Variants in KCND3 observed in about 807,000 individuals in gnomAD.
KCND3 encodes the protein A-type voltage-gated potassium channel KCND3.
A neutral mutation model predicts 51.1 loss-of-function variants in KCND3; 9 were observed. That is an observed-to-expected ratio of 0.18 (90% confidence interval 0.11 to 0.31). KCND3 has a LOEUF of 0.31. KCND3 is among the 10% of genes least tolerant of loss of function. The probability of loss-of-function intolerance (pLI) is 1.00; values close to 1 mark genes in which losing one functional copy is unlikely to be tolerated. For missense variants in KCND3, 526 were observed against 903.8 expected (o/e 0.58, Z 5.36); for synonymous variants, 349 against 368.0 (o/e 0.95, Z 0.59).
At chr1:111,944,145 G>C (rs1181485736) in intron 2 of KCND3, among the ~76,000 whole-genome samples, 1 of 152,208 alleles carries the variant, frequency 6.6e-6, no homozygotes, top group African/African-American at 2.4e-5. Context: ...CTCTAAGGGG[G>C]TGAGAAGGGG....
intron 2 of KCND3, among the ~76,000 whole-genome samples, chr1:111,872,354 T>A (rs1471515161): frequency 6.6e-6 from 1 of 152,248 alleles, no homozygotes; most frequent in Non-Finnish European, 1.5e-5. Flanking sequence ...ACATTATTAG[T>A]ATCTTTAAAG....
intron 2 of KCND3, among the ~76,000 whole-genome samples, chr1:111,975,952 AT>A (rs1557762034): frequency 6.6e-6 from 1 of 152,154 alleles, no homozygotes; most frequent in East Asian, 1.9e-4. Flanking sequence ...ACATCCTAAC[AT>A]GAAATAGAAA....
chr1:111,968,158 A>T (rs1374569036), intron 2 of KCND3, among the ~76,000 whole-genome samples: 1 of 152,238 alleles, frequency 6.6e-6, no homozygotes, highest in Non-Finnish European at 1.5e-5. Flanking sequence ...AACTCTGAGC[A>T]TGCCAGCTGG....
At chr1:111,943,563 C>T (rs1672633028) in intron 2 of KCND3, among the ~76,000 whole-genome samples, 1 of 152,184 alleles carries the variant, frequency 6.6e-6, no homozygotes, top group Non-Finnish European at 1.5e-5. Context: ...CTGATGTTTC[C>T]TCAGGGGCTG....
rs1664086917 is a variant in KCND3, at chr1:111,776,001, G to A, written c.*76C>T. The stretch of plus-strand genomic sequence containing the variant: ...ATAGTGGGGAAAGGGGGGAGGGAGT[G>A]GTCTCAGTGACCACCCACCAACATG... On this transcript the variant is annotated 3_prime_UTR_variant, in exon 8 of 8. Transcript: ENST00000302127. 6.9e-7 allele frequency: 1 copy of A among 1,448,306 alleles called. No homozygotes were observed. Among genetic ancestry groups the A allele is most frequent in the African/African-American group, 1.4e-5 (1 of 71,546 alleles). 89.7% of individuals were successfully genotyped at this position (1,448,306 alleles called of 1,614,324 possible). A position where few individuals can be genotyped will look rare whatever the true frequency, so the allele number is the denominator to read the frequency against.
At chr1:111,871,887 T>C (rs1668843004) in intron 2 of KCND3, among the ~76,000 whole-genome samples, 1 of 151,684 alleles carries the variant, frequency 6.6e-6, no homozygotes, top group South Asian at 2.1e-4. Context: ...GGTAAAGTGT[T>C]AGGAAGTGGG....
intron 2 of KCND3, among the ~76,000 whole-genome samples, chr1:111,914,863 T>C (rs1360993091): frequency 6.6e-6 from 1 of 152,166 alleles, no homozygotes; most frequent in Admixed American, 6.5e-5. Flanking sequence ...GTGGGTAAAT[T>C]GAAATAAATT....
intron 3 of KCND3, among the ~76,000 whole-genome samples, chr1:111,786,113 A>G (rs2101491460): frequency 6.6e-6 from 1 of 152,292 alleles, no homozygotes; most frequent in East Asian, 1.9e-4. Context: ...CACTTCCCCA[A>G]CACAGATATC....
chr1:111,939,940 G>A (rs1305493751), intron 2 of KCND3, among the ~76,000 whole-genome samples: 1 of 152,118 alleles, frequency 6.6e-6, no homozygotes, highest in African/African-American at 2.4e-5. Flanking sequence ...GCATGAGATG[G>A]TATCTCATTG....
rs1249652181 is a variant in KCND3, at chr1:111,772,959, T to C, written c.*3118A>G. ...TTAGACTTATGAAACCAATTCAGCA[T>C]ACTTTGGACCTTGTGTTTTCTTACA... On this transcript the variant is annotated 3_prime_UTR_variant, in exon 8 of 8. Coordinates refer to ENST00000302127, the MANE Select transcript of KCND3 (RefSeq NM_001378969.1). 1 of 152,256 alleles carries C rather than the reference T, an allele frequency of 6.6e-6. No homozygotes were observed. Among genetic ancestry groups the C allele is most frequent in the Non-Finnish European group, 1.5e-5 (1 of 68,038 alleles). 9.4% of individuals were successfully genotyped at this position (152,256 alleles called of 1,614,324 possible).
intron 2 of KCND3, among the ~76,000 whole-genome samples, chr1:111,813,651 C>T (rs1048632788): frequency 4.6e-5 from 7 of 152,140 alleles, no homozygotes; most frequent in African/African-American, 1.4e-4. Flanking sequence ...GGAGGCTCTG[C>T]TCTGGGAATC....
intron 2 of KCND3, among the ~76,000 whole-genome samples, chr1:111,901,691 G>A (rs182011366): frequency 3.9e-4 from 60 of 152,282 alleles, no homozygotes; most frequent in African/African-American, 1.4e-3. Flanking sequence ...TGATGAAGAG[G>A]CTTAGGAAGA....
intron 2 of KCND3, among the ~76,000 whole-genome samples, chr1:111,890,999 G>A (rs989238059): frequency 8.5e-5 from 13 of 152,134 alleles, no homozygotes; most frequent in African/African-American, 2.4e-4. Context: ...GAGGGGGCGT[G>A]GCACTGACAG....
chr1:111,861,165 G>T (rs1022229908), intron 2 of KCND3, among the ~76,000 whole-genome samples: 2 of 152,162 alleles, frequency 1.3e-5, no homozygotes, highest in African/African-American at 2.4e-5. Flanking sequence ...AAGGAGGAAG[G>T]GGGGCGGGGC....
chr1:111,958,805 GT>G (rs1673475620), intron 2 of KCND3, among the ~76,000 whole-genome samples: 1 of 152,266 alleles, frequency 6.6e-6, no homozygotes, highest in Admixed American at 6.5e-5. Context: ...GTTGTGGAGG[GT>G]TTTCATTGCC....
chr1:111,878,875 A>G (rs949674123), intron 2 of KCND3, among the ~76,000 whole-genome samples: 5 of 152,148 alleles, frequency 3.3e-5, no homozygotes, highest in African/African-American at 1.2e-4. Flanking sequence ...GGGTTTCCTG[A>G]TGAGATCAAC....
At chr1:111,804,768 A>T (rs974123624) in intron 2 of KCND3, among the ~76,000 whole-genome samples, 51 of 152,360 alleles carry the variant, frequency 3.3e-4, no homozygotes, top group African/African-American at 1.2e-3. Context: ...CCCATTTTGC[A>T]TATTAGGAGA....
At chr1:111,850,519 C>T (rs1315999159) in intron 2 of KCND3, among the ~76,000 whole-genome samples, 1 of 152,176 alleles carries the variant, frequency 6.6e-6, no homozygotes. Flanking sequence ...ATGAAGGGGT[C>T]TCATCACAAT....
intron 2 of KCND3, among the ~76,000 whole-genome samples, chr1:111,942,927 A>T (rs1672593765): frequency 6.6e-6 from 1 of 152,158 alleles, no homozygotes. Flanking sequence ...AATGTTCTTA[A>T]GCACCATACA....
Sources: allele counts gnomAD v4.1 joint callset (sites outside exome capture counted in the v4.1 genomes callset), GRCh38; gene constraint gnomAD v4.1.1; transcripts MANE v1.5; gene names NCBI Gene and HGNC (gene_info 2026-07-23, HGNC 2026-07-21).